CCDC15: variants seen among roughly 807,000 people sequenced by gnomAD.
CCDC15 encodes coiled-coil domain containing 15, also known as coiled-coil domain-containing protein 15.
A neutral mutation model predicts 114.5 loss-of-function variants in CCDC15; 105 were observed. The observed-to-expected ratio is 0.92, with a 90% CI of 0.78 to 1.08. CCDC15 has a LOEUF of 1.08. Among genes scored for constraint, CCDC15 ranks in the 50% least tolerant of loss-of-function variants. CCDC15 has a pLI of 0.00. For synonymous variants in CCDC15, 334 were observed against 377.8 expected, an observed-to-expected ratio of 0.88 and a Z score of 1.34; for missense variants, 1,105 against 1,093.6, an observed-to-expected ratio of 1.01 and a Z score of -0.15.
chr11:125,028,110 T>A (rs115084910), intron 13 of CCDC15, among the ~76,000 whole-genome samples: 1,598 of 152,304 alleles, frequency 0.01, 34 homozygotes, highest in African/African-American at 0.037. Flanking sequence ...GTACTATGTA[T>A]GTACTACGGG....
chr11:124,983,378 A>T (rs370492502), intron 6 of CCDC15, among the ~76,000 whole-genome samples: 2 of 152,114 alleles, frequency 1.3e-5, no homozygotes, highest in East Asian at 3.9e-4. Context: ...TTGAGTTGTC[A>T]GAGTTCTTGC....
chr11:125,030,980 CTCTTCCCCAGATT>C (rs1299209255), intron 13 of CCDC15, among the ~76,000 whole-genome samples: 4 of 152,250 alleles, frequency 2.6e-5, no homozygotes, highest in Non-Finnish European at 4.4e-5. Context: ...GTCCACATAA[CTCTTCCCCAGATT>C]TCTTTGTCAC....
chr11:124,997,673 G>T (rs1948397600), intron 11 of CCDC15, among the ~76,000 whole-genome samples: 1 of 152,188 alleles, frequency 6.6e-6, no homozygotes, highest in Non-Finnish European at 1.5e-5. Context: ...TGGGCATGGT[G>T]GCTCATGCCT....
chr11:125,005,019 T>C (rs1044453671), intron 12 of CCDC15, 90 bp from the exon 13 acceptor site: 2 of 568,340 alleles, frequency 3.5e-6, no homozygotes, highest in Non-Finnish European at 6.2e-6. Flanking sequence ...TTTGCTTGCA[T>C]TTGTTTTTGT....
chr11:124,993,439 A>C (rs1390815393), intron 11 of CCDC15, among the ~76,000 whole-genome samples, 196 bp downstream of exon 11: 1 of 152,202 alleles, frequency 6.6e-6, no homozygotes, highest in Non-Finnish European at 1.5e-5. Flanking sequence ...GTGATGTATC[A>C]CACCATTCTG....
Position 124,959,833 on chromosome 11 carries a change from A to G in CCDC15, c.346A>G (p.Ile116Val). The change falls in exon 4 of 16, where the codon ATA becomes GTA. Residue 116 changes from isoleucine to valine, a missense_variant. Coordinates refer to ENST00000344762, the MANE Select transcript of CCDC15 (RefSeq NM_025004.3). ...CGTGTAGGCACAAAAAGAAGGCTCC[A>G]TAGCCATGCAGTCTTCAGCAACACA... is the stretch of plus-strand genomic sequence containing the variant. Reference protein sequence around the residue: ...SYERAQKEGSIAMQSSATHLT... With the variant: ...SYERAQKEGSVAMQSSATHLT... 6.2e-7 allele frequency: 1 copy of G among 1,600,738 alleles called. No individual in the cohort carries two copies. Among genetic ancestry groups the G allele is most frequent in the Non-Finnish European group, 8.5e-7 (1 of 1,173,062 alleles).
At chr11:124,964,563 A>C (rs1391437894) in intron 4 of CCDC15, among the ~76,000 whole-genome samples, 2 of 152,214 alleles carry the variant, frequency 1.3e-5, no homozygotes, top group Non-Finnish European at 2.9e-5. Flanking sequence ...GGTTTTCTAA[A>C]TATACAATCA....
At chr11:124,959,010 T>A (rs761999443) in intron 2 of CCDC15, 105 bp from the exon 3 acceptor site, 39 of 696,432 alleles carry the variant, frequency 5.6e-5, no homozygotes, top group Non-Finnish European at 8.6e-5. Flanking sequence ...ATGGAATTAT[T>A]TTTTTCAGGA....
chr11:125,000,615 T>C (rs1020912284), intron 11 of CCDC15, among the ~76,000 whole-genome samples: 1 of 152,208 alleles, frequency 6.6e-6, no homozygotes, highest in African/African-American at 2.4e-5. Flanking sequence ...TTCATTTTTA[T>C]TGTAGAGAAG....
intron 13 of CCDC15, among the ~76,000 whole-genome samples, chr11:125,033,446 G>A (rs936968546): frequency 4.6e-5 from 7 of 152,294 alleles, no homozygotes; most frequent in African/African-American, 1.7e-4. Context: ...GTGGTTGAGT[G>A]ACTGGGGTTC....
Position 124,992,719 on chromosome 11 carries a change from C to T in CCDC15, c.2139+32C>T, listed in dbSNP as rs929264896. The T allele has an allele frequency of 3.3e-6, 4 of 1,230,232 alleles. No homozygotes were observed. In the African/African-American group the frequency reaches 6.1e-5, roughly 19 times the overall value. 76.2% of individuals were successfully genotyped at this position (1,230,232 alleles called of 1,614,324 possible). A position where few individuals can be genotyped will look rare whatever the true frequency, so the allele number is the denominator to read the frequency against. Reference sequence around the variant, plus strand: ...CCGAATACAGTAGGAGGACTGTATACCTTCTAAAAGGGGAACAAGCCTAAA... The same window carrying T: ...CCGAATACAGTAGGAGGACTGTATATCTTCTAAAAGGGGAACAAGCCTAAA... On this transcript the variant is annotated intron_variant, in intron 10 of 15. Coordinates refer to ENST00000344762, the MANE Select transcript of CCDC15 (RefSeq NM_025004.3).
At chr11:124,996,755 A>G (rs1053853656) in intron 11 of CCDC15, among the ~76,000 whole-genome samples, 2 of 152,150 alleles carry the variant, frequency 1.3e-5, no homozygotes, top group African/African-American at 2.4e-5. Context: ...TTCTGTATTC[A>G]TGAATTTGAT....
At chr11:125,021,935 A>T (rs114168226) in intron 13 of CCDC15, among the ~76,000 whole-genome samples, 2,222 of 151,966 alleles carry the variant, frequency 0.015, 58 homozygotes, top group African/African-American at 0.05. Context: ...TTCACAGGAA[A>T]ATCTTTTATC....
intron 13 of CCDC15, among the ~76,000 whole-genome samples, chr11:125,006,830 A>G (rs1478639990): frequency 6.6e-6 from 1 of 152,038 alleles, no homozygotes; most frequent in Non-Finnish European, 1.5e-5. Flanking sequence ...AGTTGACTGC[A>G]TTTATGTGGT....
intron 13 of CCDC15, among the ~76,000 whole-genome samples, chr11:125,036,917 A>G (rs1476997190): frequency 6.6e-6 from 1 of 152,068 alleles, no homozygotes; most frequent in Non-Finnish European, 1.5e-5. Flanking sequence ...CAAAACAGCC[A>G]TTTTGAATTA....
At position 125,004,045 on chromosome 11, in the gene CCDC15, C is replaced by T. The variant is rs150280735; in HGVS notation, c.2307+86C>T. 460 of 658,264 alleles carry T rather than the reference C, an allele frequency of 7.0e-4. 6 individuals carry two copies. The East Asian group carries it at 0.013, about 19-fold the overall frequency. The allele number at this position is 658,264 out of a possible 1,614,324, so 40.8% of individuals were successfully genotyped here. ...GAAATTGGAAACAATTTGTTGTGTC[C>T]TAACACATAAAAGAGCTAATACCAC... On this transcript the variant is annotated intron_variant, in intron 12 of 15. Coordinates refer to ENST00000344762, the MANE Select transcript of CCDC15 (RefSeq NM_025004.3).
intron 8 of CCDC15, among the ~76,000 whole-genome samples, chr11:124,990,652 CA>C (rs1267729249): frequency 6.6e-6 from 1 of 152,208 alleles, no homozygotes; most frequent in East Asian, 1.9e-4. Context: ...CATATTACTC[CA>C]AATAAACAAT....
intron 2 of CCDC15, among the ~76,000 whole-genome samples, chr11:124,955,774 A>G (rs959616891): frequency 6.6e-6 from 1 of 152,242 alleles, no homozygotes; most frequent in African/African-American, 2.4e-5. Flanking sequence ...AATATACTAT[A>G]TTCATTTTAT....
chr11:124,957,781 C>A (rs1947576208), intron 2 of CCDC15, among the ~76,000 whole-genome samples: 1 of 152,070 alleles, frequency 6.6e-6, no homozygotes, highest in South Asian at 2.1e-4. Flanking sequence ...AATTTGAATG[C>A]ATTTGATTTT....
Sources: gnomAD v4.1 joint callset for allele counts (sites outside exome capture counted in the v4.1 genomes callset) on GRCh38, gnomAD v4.1.1 for gene constraint, MANE v1.5 for transcripts, NCBI Gene and HGNC (gene_info 2026-07-23, HGNC 2026-07-21) for gene names.